The following KIAA1755 variants were observed in gnomAD, a reference collection of about 807,000 sequenced individuals.
The protein encoded by KIAA1755 is KIAA1755.
Under a neutral mutation model 91.7 loss-of-function variants are expected in KIAA1755, and 68 were observed. That is an observed-to-expected ratio of 0.74 (90% CI 0.61 to 0.91). The LOEUF (loss-of-function observed/expected upper bound fraction) is 0.91. Among genes scored for constraint, KIAA1755 ranks in the 40% least tolerant of loss-of-function variants. The pLI, the probability that KIAA1755 is intolerant of heterozygous loss-of-function variation, is 0.00. For missense variants in KIAA1755, 1,535 were observed against 1,494.4 expected, an observed-to-expected ratio of 1.03 and a Z score of -0.45; for synonymous variants, 610 against 604.6, an observed-to-expected ratio of 1.01 and a Z score of -0.13.
chr20:38,213,532 C>T lies in KIAA1755; in HGVS notation c.3113G>A (p.Arg1038Gln), dbSNP rs775747625. The T allele has an allele frequency of 1.3e-5, 21 of 1,609,762 alleles. No individual in the cohort carries two copies. Among genetic ancestry groups the T allele is most frequent in the African/African-American group, 1.2e-4 (9 of 74,902 alleles). ...GLGQELWEEARIRHEEIRMLL... is the reference protein window; with the variant it reads ...GLGQELWEEAQIRHEEIRMLL... ...CATCCGGATCTCCTCATGCCTGATCCGGGCCTCCTCCCATAGCTCCTGGCC... is the reference window on the plus strand; with the variant it reads ...CATCCGGATCTCCTCATGCCTGATCTGGGCCTCCTCCCATAGCTCCTGGCC... The change falls in exon 14 of 14, where the codon CGG becomes CAG. Residue 1038 changes from arginine to glutamine, a missense_variant. Transcript: ENST00000279024.
In KIAA1755 at chr20:38,222,444, T is replaced by G; in HGVS notation, c.2417+5A>C. ...GTGGAAGAGGAAAGGCCTGGACGTC[T>G]GTACCTGACATCAGGGCTGAAGTCC... On this transcript the variant is annotated splice_donor_5th_base_variant and intron_variant, in intron 10 of 13. Transcript: ENST00000279024. 1 of 1,612,120 alleles carries G rather than the reference T, an allele frequency of 6.2e-7. No individual in the cohort carries two copies.
Position 38,241,223 on chromosome 20 carries a change from C to G in KIAA1755, c.908G>C (p.Gly303Ala). ...EAGTSSGCTS[G>A]ALEEIAGTKE... ...AGTTCCAGCTATCTCCTCTAGTGCCCCAGAAGTACACCCACTGGATGTGCC... is the reference window on the plus strand; with the variant it reads ...AGTTCCAGCTATCTCCTCTAGTGCCGCAGAAGTACACCCACTGGATGTGCC... The change falls in exon 3 of 14, where the codon GGG (glycine) becomes GCG (alanine). Residue 303 changes from glycine (G) to alanine (A), a missense_variant. Physicochemically the swap from Gly to Ala is moderately conservative, Grantham distance 60. Transcript: ENST00000279024. 1 of 1,614,100 alleles carries G rather than the reference C, an allele frequency of 6.2e-7. No homozygotes were observed. The highest frequency in any genetic ancestry group is 1.1e-5 in the South Asian group (1 of 91,080).
chr20:38,229,498 G>C (rs1184208532), intron 5 of KIAA1755, among the ~76,000 whole-genome samples: 2 of 152,182 alleles, frequency 1.3e-5, no homozygotes, highest in Non-Finnish European at 2.9e-5. Context: ...ACAGTGATTT[G>C]TTTCCAGACC....
intron 4 of KIAA1755, among the ~76,000 whole-genome samples, chr20:38,237,753 G>C (rs2075983842): frequency 6.6e-6 from 1 of 151,644 alleles, no homozygotes; most frequent in African/African-American, 2.4e-5. Context: ...GACCTGGAAA[G>C]AGAAGCAGTG....
intron 1 of KIAA1755, among the ~76,000 whole-genome samples, chr20:38,259,833 C>CT (rs1390881848): frequency 1.3e-5 from 2 of 151,248 alleles, no homozygotes; most frequent in Non-Finnish European, 2.9e-5. Context: ...CACACACACA[C>CT]ACACACACAC....
chr20:38,260,194 C>T (rs2076421695), intron 1 of KIAA1755: 2 of 1,428,882 alleles, frequency 1.4e-6, no homozygotes, highest in Non-Finnish European at 1.8e-6. Context: ...CCGTTTCAGC[C>T]CTCAGCCTCA....
At chr20:38,250,181 C>T (rs1449656497) in intron 1 of KIAA1755, among the ~76,000 whole-genome samples, 3 of 152,154 alleles carry the variant, frequency 2.0e-5, no homozygotes, top group Non-Finnish European at 4.4e-5. Context: ...TTGTGTTTTT[C>T]AATGAGACTC....
Position 38,246,134 on chromosome 20 carries a change from G to A in KIAA1755, c.4-8C>T. 1 of 1,610,470 alleles carries A rather than the reference G, an allele frequency of 6.2e-7. No homozygotes were observed. The highest frequency in any genetic ancestry group is 1.1e-5 in the South Asian group (1 of 90,830). On this transcript the variant is annotated splice_polypyrimidine_tract_variant and splice_region_variant and intron_variant, in intron 1 of 13. Transcript: ENST00000279024. ...GTCGAGGGATGGAGGGTCCTGTGGG[G>A]GACAGGAGGAGGGGGTGATAATAGC...
At chr20:38,235,013 G>A (rs541481459) in intron 4 of KIAA1755, among the ~76,000 whole-genome samples, 5 of 152,306 alleles carry the variant, frequency 3.3e-5, no homozygotes, top group Non-Finnish European at 5.9e-5. Flanking sequence ...GTTGCCCAAA[G>A]TTGCTGAAAA....
intron 10 of KIAA1755, among the ~76,000 whole-genome samples, chr20:38,220,018 C>T (rs1161825583): frequency 2.0e-5 from 3 of 152,178 alleles, no homozygotes; most frequent in Non-Finnish European, 2.9e-5. Flanking sequence ...TGAAGCTGGC[C>T]GGACAGATCT....
chr20:38,213,534 G>A lies in KIAA1755; in HGVS notation c.3111C>T (p.Ala1037=). Reference sequence around the variant, plus strand: ...TCCGGATCTCCTCATGCCTGATCCGGGCCTCCTCCCATAGCTCCTGGCCCA... The same window carrying A: ...TCCGGATCTCCTCATGCCTGATCCGAGCCTCCTCCCATAGCTCCTGGCCCA... ...AGLGQELWEE[A]RIRHEEIRML... The change falls in exon 14 of 14, where the codon GCC becomes GCT. Residue 1037 remains alanine (A), a synonymous_variant. Transcript: ENST00000279024. The A allele has an allele frequency of 2.5e-6, 4 of 1,610,088 alleles. No homozygotes were observed. The highest frequency in any genetic ancestry group is 3.4e-6 in the Non-Finnish European group (4 of 1,178,600).
Position 38,231,227 on chromosome 20 carries a change from G to A in KIAA1755, c.1846C>T (p.Leu616=), listed in dbSNP as rs146237973. 2.5e-6 allele frequency: 4 copies of A among 1,613,708 alleles called. No individual in the cohort carries two copies. The highest frequency in any genetic ancestry group is 1.3e-5 in the African/African-American group (1 of 74,936). ...WCTVSEVTKL[L]SYLCTIPRPE... is the part of the protein sequence containing the mutation. ...CTGGGGATGGTACACAGGTAGGACAGTAGCTTGGTGACCTCTGAAACTGTG... is the reference window on the plus strand; with the variant it reads ...CTGGGGATGGTACACAGGTAGGACAATAGCTTGGTGACCTCTGAAACTGTG... Residue 616 remains leucine (L), a synonymous_variant, in exon 5 of 14, where the codon CTG becomes TTG. Coordinates refer to ENST00000279024, the MANE Select transcript of KIAA1755 (RefSeq NM_001029864.2).
chr20:38,213,732 G>T lies in KIAA1755; in HGVS notation c.2913C>A (p.Phe971Leu), dbSNP rs1410017136. 3 of 1,474,932 alleles carry T rather than the reference G, an allele frequency of 2.0e-6. No homozygotes were observed. In the East Asian group the frequency reaches 7.0e-5, roughly 35 times the overall value. The allele number at this position is 1,474,932 out of a possible 1,614,324, so 91.4% of individuals were successfully genotyped here. Residue 971 changes from phenylalanine to leucine, a missense_variant, in exon 14 of 14, where the codon TTC becomes TTA. Coordinates refer to ENST00000279024, the MANE Select transcript of KIAA1755 (RefSeq NM_001029864.2). ...LHRFCKRMTW[F>L]HMDCQDLMAQ... ...CCATCAGGTCCTGACAGTCCATGTGGAACCAGGTCATCTGGGGGACAAGAA... is the reference window on the plus strand; with the variant it reads ...CCATCAGGTCCTGACAGTCCATGTGTAACCAGGTCATCTGGGGGACAAGAA...
intron 2 of KIAA1755, 38 bp from the exon 3 acceptor site, chr20:38,241,967 C>T (rs1244823441): frequency 6.3e-7 from 1 of 1,579,932 alleles, no homozygotes; most frequent in Non-Finnish European, 8.6e-7. Flanking sequence ...GAACCTGGCC[C>T]TGAAAGGCTC....
At chr20:38,249,349 T>C (rs757656484) in intron 1 of KIAA1755, among the ~76,000 whole-genome samples, 45 of 152,090 alleles carry the variant, frequency 3.0e-4, no homozygotes, top group Non-Finnish European at 5.7e-4. Context: ...GAGATGAGAA[T>C]AAATAAGGAC....
In KIAA1755 at chr20:38,251,950, G is replaced by A. The variant is rs78342648; in HGVS notation, c.4-5824C>T. Among the ~76,000 whole-genome samples the A allele has an allele frequency of 8.4e-3, 1,272 of 152,224 alleles. 44 individuals carry two copies. The East Asian group carries it at 0.12, about 15-fold the overall frequency. ...GTTGATGCCTTTTTAACCTATGTAT[G>A]AGCCCCTGTAACCACTTACCCAGAT... is the stretch of plus-strand genomic sequence containing the variant. On this transcript the variant is annotated intron_variant, in intron 1 of 13. Coordinates refer to ENST00000279024, the MANE Select transcript of KIAA1755 (RefSeq NM_001029864.2).
chr20:38,248,733 C>T (rs1376261553), intron 1 of KIAA1755, among the ~76,000 whole-genome samples: 1 of 150,698 alleles, frequency 6.6e-6, no homozygotes, highest in Non-Finnish European at 1.5e-5. Flanking sequence ...GAGTCTTGCT[C>T]TGTTGCCCAG....
rs2075486395 is a variant in KIAA1755, at chr20:38,213,449, C to T, written c.3196G>A (p.Ala1066Thr). 2 of 1,603,680 alleles carry T rather than the reference C, an allele frequency of 1.2e-6. No individual in the cohort carries two copies. The highest frequency in any genetic ancestry group is 4.5e-5 in the East Asian group (2 of 44,534). ...GCCACCCCTCTTCGTTCTGGGCGCGCTGAGTGAGCAGCTGGAGCCTCTGGG... is the reference window on the plus strand; with the variant it reads ...GCCACCCCTCTTCGTTCTGGGCGCGTTGAGTGAGCAGCTGGAGCCTCTGGG... ...SCPEAPAAHSARPERRGVAAK... is the reference protein window; with the variant it reads ...SCPEAPAAHSTRPERRGVAAK... The change falls in exon 14 of 14, where the codon GCG becomes ACG. Residue 1066 changes from alanine (A) to threonine (T), a missense_variant. Transcript: ENST00000279024.
chr20:38,259,631 TG>T (rs2076404697), intron 1 of KIAA1755, among the ~76,000 whole-genome samples: 2 of 151,504 alleles, frequency 1.3e-5, no homozygotes, highest in African/African-American at 2.4e-5. Context: ...TCAACATGGT[TG>T]GTCACAGTCA....
Sources: gnomAD v4.1 joint callset for allele counts (sites outside exome capture counted in the v4.1 genomes callset) on GRCh38, gnomAD v4.1.1 for gene constraint, MANE v1.5 for transcripts, NCBI Gene and HGNC (gene_info 2026-07-23, HGNC 2026-07-21) for gene names.